The following CLIP4 variants were observed in gnomAD, a reference collection of about 807,000 sequenced individuals.
CLIP4 encodes CAP-Gly domain-containing linker protein 4.
CLIP4 carries 47 observed loss-of-function variants against 73.1 expected under a neutral mutation model. The ratio of observed to expected loss-of-function variants is 0.64; its 90% CI spans 0.51 to 0.82. The LOEUF is 0.82. CLIP4 is among the 40% of genes least tolerant of loss of function. The probability of loss-of-function intolerance (pLI) is 0.00; values close to 1 mark genes in which losing one functional copy is unlikely to be tolerated. For missense variants in CLIP4, 874 were observed against 852.9 expected (o/e 1.02, Z -0.31); for synonymous variants, 306 against 295.4 (o/e 1.04, Z -0.37).
chr2:29,155,722 T>C (rs1666880432), intron 9 of CLIP4, among the ~76,000 whole-genome samples: 1 of 152,232 alleles, frequency 6.6e-6, no homozygotes, highest in South Asian at 2.1e-4. Flanking sequence ...CAGGCTCTCA[T>C]GCTTGGACTA....
intron 14 of CLIP4, among the ~76,000 whole-genome samples, chr2:29,168,553 C>G (rs1667783888): frequency 9.4e-6 from 1 of 106,114 alleles, no homozygotes; most frequent in African/African-American, 3.7e-5. Flanking sequence ...AGACGAGTCT[C>G]TCTCTGTTGC....
intron 12 of CLIP4, among the ~76,000 whole-genome samples, chr2:29,161,757 G>A (rs1667306312): frequency 6.6e-6 from 1 of 152,124 alleles, no homozygotes; most frequent in Non-Finnish European, 1.5e-5. Flanking sequence ...TGAACTTATG[G>A]TACACATCCC....
chr2:29,175,828 C>T (rs1342333643), intron 15 of CLIP4, among the ~76,000 whole-genome samples: 3 of 152,058 alleles, frequency 2.0e-5, no homozygotes, highest in African/African-American at 4.8e-5. Context: ...GTGGCGTGAT[C>T]TCGGCTCACT....
intron 11 of CLIP4, among the ~76,000 whole-genome samples, chr2:29,158,468 G>A (rs1253923062): frequency 1.3e-5 from 2 of 151,996 alleles, no homozygotes; most frequent in Non-Finnish European, 2.9e-5. Flanking sequence ...TTAAACAACA[G>A]TGAAGATGAA....
chr2:29,112,566 T>C (rs996442300), upstream of CLIP4, among the ~76,000 whole-genome samples: 15 of 152,364 alleles, frequency 9.8e-5, no homozygotes, highest in African/African-American at 3.4e-4. Flanking sequence ...TAGACAAAAC[T>C]ATTGATTTTT....
At chr2:29,106,007 T>G (rs1404468179) in intron 1 of CLIP4, among the ~76,000 whole-genome samples, 3 of 152,338 alleles carry the variant, frequency 2.0e-5, no homozygotes, top group African/African-American at 7.2e-5. Flanking sequence ...TGAACTTTTC[T>G]GCCTCTTAAG....
chr2:29,133,949 T>G, intron 5 of CLIP4, 133 bp downstream of exon 5: 1 of 704,982 alleles, frequency 1.4e-6, no homozygotes, highest in Non-Finnish European at 2.2e-6. Context: ...ATTTTATTTC[T>G]GAGATAGTTT....
At chr2:29,103,045 C>T (rs972992896) in intron 1 of CLIP4, among the ~76,000 whole-genome samples, 3 of 152,132 alleles carry the variant, frequency 2.0e-5, no homozygotes, top group Non-Finnish European at 4.4e-5. Flanking sequence ...CAAAACCTAC[C>T]AGCCTGTCCC....
rs551839513 is a variant in CLIP4, at chr2:29,153,916, C to T, written c.1165+1088C>T. The stretch of plus-strand genomic sequence containing the variant: ...TTGGGGCTTTTATAAATCACCCTTC[C>T]GTATACATTTTACAATAAACTGTTA... On this transcript the variant is annotated intron_variant, in intron 9 of 15. Transcript: ENST00000320081. 1.2e-4 allele frequency among the ~76,000 whole-genome samples: 19 copies of T among 152,232 alleles called. No homozygotes were observed. In the South Asian group the frequency reaches 2.9e-3, roughly 23 times the overall value.
intron 1 of CLIP4, among the ~76,000 whole-genome samples, chr2:29,101,300 C>CAAAAA (rs1174781959): frequency 5.0e-4 from 42 of 83,454 alleles, no homozygotes; most frequent in Non-Finnish European, 7.4e-4. Flanking sequence ...CCCCCCAAAA[C>CAAAAA]AAAAAAAAAA....
intron 1 of CLIP4, among the ~76,000 whole-genome samples, chr2:29,105,487 C>T (rs981105903): frequency 1.3e-5 from 2 of 152,164 alleles, no homozygotes; most frequent in Admixed American, 1.3e-4. Flanking sequence ...GTCTTTCTCT[C>T]TTTAGAAACC....
intron 1 of CLIP4, among the ~76,000 whole-genome samples, chr2:29,117,730 C>G (rs1162931067): frequency 6.6e-6 from 1 of 152,172 alleles, no homozygotes; most frequent in Non-Finnish European, 1.5e-5. Context: ...TTCGTTGACC[C>G]TCTTGAATCT....
rs1668669192 is a variant in CLIP4, at chr2:29,181,923, T to C, written c.*30T>C. Reference sequence around the variant, plus strand: ...CTAAAATATTAAATAAGCTCAAATATATATATTTGGTGTAAATAAAGAGTC... The same window carrying C: ...CTAAAATATTAAATAAGCTCAAATACATATATTTGGTGTAAATAAAGAGTC... On this transcript the variant is annotated 3_prime_UTR_variant, in exon 16 of 16. Coordinates refer to ENST00000320081, the MANE Select transcript of CLIP4 (RefSeq NM_024692.6). 2.0e-6 allele frequency: 3 copies of C among 1,525,104 alleles called. No individual in the cohort carries two copies. Among genetic ancestry groups the C allele is most frequent in the Non-Finnish European group, 1.8e-6 (2 of 1,126,716 alleles). 94.5% of individuals were successfully genotyped at this position (1,525,104 alleles called of 1,614,324 possible).
intron 1 of CLIP4, among the ~76,000 whole-genome samples, chr2:29,098,660 C>T (rs577886916): frequency 2.0e-5 from 3 of 152,294 alleles, no homozygotes; most frequent in East Asian, 1.9e-4. Context: ...ATGAAAAAAG[C>T]TCCTACTAAC....
At chr2:29,106,731 A>G (rs1007025935) in intron 1 of CLIP4, among the ~76,000 whole-genome samples, 9 of 152,124 alleles carry the variant, frequency 5.9e-5, no homozygotes, top group Non-Finnish European at 1.3e-4. Context: ...GGCACTCAAC[A>G]TATTGCTGAT....
intron 11 of CLIP4, 34 bp from the exon 12 acceptor site, chr2:29,160,299 G>A: frequency 1.9e-6 from 3 of 1,613,460 alleles, no homozygotes; most frequent in Non-Finnish European, 2.5e-6. Flanking sequence ...CTCTTTTCCT[G>A]CCCTGCCCCT....
At chr2:29,130,874 A>G (rs1306089819) in intron 2 of CLIP4, 2 of 1,290,574 alleles carry the variant, frequency 1.5e-6, no homozygotes, top group South Asian at 2.5e-5. Context: ...TGCTGTTACA[A>G]TCTGAGCTCA....
intron 15 of CLIP4, among the ~76,000 whole-genome samples, chr2:29,178,326 C>T (rs769497774): frequency 6.6e-6 from 1 of 151,954 alleles, no homozygotes; most frequent in Non-Finnish European, 1.5e-5. Flanking sequence ...ATTACAGGCT[C>T]ATACCACCAT....
chr2:29,155,647 C>T (rs1666875006), intron 9 of CLIP4, among the ~76,000 whole-genome samples: 2 of 152,110 alleles, frequency 1.3e-5, no homozygotes, highest in Admixed American at 1.3e-4. Context: ...AAAATTTACT[C>T]TTCAGGTTGC....
Sources: gnomAD v4.1 joint callset for allele counts (sites outside exome capture counted in the v4.1 genomes callset) on GRCh38, gnomAD v4.1.1 for gene constraint, MANE v1.5 for transcripts, NCBI Gene and HGNC (gene_info 2026-07-23, HGNC 2026-07-21) for gene names.